ZNF518A: variants seen among roughly 807,000 people sequenced by gnomAD.
ZNF518A encodes the protein zinc finger protein 518A, also known as zinc finger protein 518.
In ZNF518A, 47 loss-of-function variants were observed where a neutral mutation model predicts 102.7. The ratio of observed to expected loss-of-function variants is 0.46; its 90% CI spans 0.36 to 0.58. The LOEUF (loss-of-function observed/expected upper bound fraction) is 0.58. ZNF518A is among the 20% of genes least tolerant of loss of function. The pLI, the probability that ZNF518A is intolerant of heterozygous loss-of-function variation, is 0.00. For missense variants in ZNF518A, 1,793 were observed against 1,699.8 expected (o/e 1.05, Z -0.96); for synonymous variants, 652 against 594.6 (o/e 1.10, Z -1.40).
chr10:96,204,749 G>A, downstream of ZNF518A: 1 of 771,484 alleles, frequency 1.3e-6, no homozygotes, highest in South Asian at 1.5e-5. Flanking sequence ...TTACTGAGAT[G>A]TCATGGATCT....
chr10:96,196,986 C>T lies in ZNF518A; in HGVS notation n.36-6588C>T, dbSNP rs782786523. ...ATCGCACAGGAATATTATATACTCG[C>T]TTATTAAAGAATACAACTAGTGTAT... On this transcript the variant is annotated intron_variant and non_coding_transcript_variant, in intron 1 of 2. Transcript: ENST00000442635. The T allele has an allele frequency of 3.1e-6, 5 of 1,613,080 alleles. No homozygotes were observed. The East Asian group carries it at 8.9e-5, about 29-fold the overall frequency.
intron 1 of ZNF518A, among the ~76,000 whole-genome samples, chr10:96,169,186 G>A (rs150783854): frequency 1.3e-5 from 2 of 151,766 alleles, no homozygotes; most frequent in African/African-American, 4.9e-5. Flanking sequence ...AAAAATTTTT[G>A]TAGAGTTAGA....
chr10:96,151,200 G>A (rs2133637064), intron 3 of ZNF518A, among the ~76,000 whole-genome samples: 1 of 152,238 alleles, frequency 6.6e-6, no homozygotes, highest in South Asian at 2.1e-4. Context: ...ATTGTTGGGT[G>A]GGATGAATTC....
Position 96,142,305 on chromosome 10 carries a change from G to GGTGTGTGTGTGT in ZNF518A, c.-302+8696_-302+8707dup, listed in dbSNP as rs60624825. On this transcript the variant is annotated intron_variant, in intron 3 of 5. Transcript: ENST00000316045. ...TCTGCTTTGAAAGTAATATTCTTAG[G>GGTGTGTGTGTGT]GTGTGTGTGTGTGTGTGTGTGTGTG... 2.9e-3 allele frequency among the ~76,000 whole-genome samples: 301 copies of GGTGTGTGTGTGT among 104,122 alleles called. 4 individuals are homozygous for GGTGTGTGTGTGT. The highest frequency in any genetic ancestry group is 5.5e-3 in the Admixed American group (56 of 10,098). 68.3% of individuals were successfully genotyped at this position (104,122 alleles called of 152,430 possible).
Position 96,157,763 on chromosome 10 carries a change from A to G in ZNF518A, c.1441A>G (p.Thr481Ala). Residue 481 changes from threonine to alanine, a missense_variant, in exon 6 of 6, where the codon ACT (threonine) becomes GCT (alanine). Around this residue, in one of 3 missense-constraint regions of ZNF518A, gnomAD observed 1,741 missense variants for 1,622.6 expected, o/e 1.07. Coordinates refer to ENST00000316045, the MANE Select transcript of ZNF518A (RefSeq NM_001330736.2). The part of the protein sequence containing the change: ...GSQSGAAKDG[T>A]ANLQPQTLDT... ...ACAGTCAGGTGCTGCAAAGGACGGT[A>G]CTGCTAATTTGCAGCCCCAGACTTT... 1 of 1,613,910 alleles carries G rather than the reference A, an allele frequency of 6.2e-7. No homozygotes were observed. The highest frequency in any genetic ancestry group is 1.1e-5 in the South Asian group (1 of 91,080).
intron 3 of ZNF518A, 83 bp downstream of exon 3, chr10:96,133,731 A>G (rs2081454280): frequency 6.6e-6 from 1 of 152,184 alleles, no homozygotes; most frequent in African/African-American, 2.4e-5. Flanking sequence ...AGACTATACC[A>G]CCTTACAGTA....
intron 3 of ZNF518A, among the ~76,000 whole-genome samples, chr10:96,135,508 CTTTA>C (rs1278220136): frequency 6.6e-6 from 1 of 152,176 alleles, no homozygotes; most frequent in Non-Finnish European, 1.5e-5. Context: ...AAAGAGTTCC[CTTTA>C]TTTATTCATC....
intron 3 of ZNF518A, among the ~76,000 whole-genome samples, chr10:96,151,789 C>T (rs1429005567): frequency 6.6e-6 from 1 of 152,132 alleles, no homozygotes; most frequent in Non-Finnish European, 1.5e-5. Context: ...TTTCTAGTTC[C>T]TAGCCATTTT....
At chr10:96,151,733 CA>C (rs1315096467) in intron 3 of ZNF518A, among the ~76,000 whole-genome samples, 2 of 152,114 alleles carry the variant, frequency 1.3e-5, no homozygotes, top group Admixed American at 1.3e-4. Flanking sequence ...CCCCTCTCAC[CA>C]GACTGTTTGC....
In ZNF518A at chr10:96,200,671, A is replaced by G. The variant is rs1286800820; in HGVS notation, n.36-2903A>G. 6.6e-5 allele frequency among the ~76,000 whole-genome samples: 10 copies of G among 152,232 alleles called. No homozygotes were observed. Among genetic ancestry groups the G allele is most frequent in the African/African-American group, 2.4e-4 (10 of 41,460 alleles). On this transcript the variant is annotated intron_variant and non_coding_transcript_variant, in intron 1 of 2. Transcript: ENST00000442635. This position sits in a 1 kb window ranked among gnomAD's most constrained non-coding sequence, Gnocchi z 4.3. The stretch of plus-strand genomic sequence containing the variant: ...ACTGTGCTGTCTTATATGTGATTTA[A>G]TATCATCAGCCTCTACAGATCTATT...
chr10:96,134,167 A>G (rs888000817), intron 3 of ZNF518A, among the ~76,000 whole-genome samples: 5 of 152,220 alleles, frequency 3.3e-5, no homozygotes, highest in South Asian at 2.1e-4. Context: ...AAGTAATGCA[A>G]ATATTCCAAA....
intron 3 of ZNF518A, among the ~76,000 whole-genome samples, chr10:96,140,385 CTGAG>C (rs1554876079): frequency 2.6e-5 from 4 of 152,138 alleles, no homozygotes; most frequent in African/African-American, 9.7e-5. Flanking sequence ...TTTTCTGAAG[CTGAG>C]TAAGAATGGA....
downstream of ZNF518A, chr10:96,204,183 C>T (rs1043246199): frequency 2.2e-6 from 3 of 1,333,874 alleles, no homozygotes; most frequent in Non-Finnish European, 3.2e-6. Flanking sequence ...ACAGGCACAT[C>T]ACAAATAAAT....
At chr10:96,194,872 G>A (rs1044523726) in intron 1 of ZNF518A, among the ~76,000 whole-genome samples, 2 of 147,702 alleles carry the variant, frequency 1.4e-5, no homozygotes, top group Admixed American at 6.9e-5. Flanking sequence ...CCGGGTTCAC[G>A]CCATTCTCCT....
At chr10:96,166,692 G>A (rs1386629427), downstream of ZNF518A, among the ~76,000 whole-genome samples, 2 of 152,110 alleles carry the variant, frequency 1.3e-5, no homozygotes, top group Non-Finnish European at 2.9e-5. Context: ...GTGTGAACCC[G>A]GGAGGCGGAA....
intron 3 of ZNF518A, among the ~76,000 whole-genome samples, chr10:96,148,165 C>T (rs909602588): frequency 2.0e-5 from 3 of 152,122 alleles, no homozygotes; most frequent in Admixed American, 2.0e-4. Flanking sequence ...CTTGGCCGGG[C>T]GCGGTGGCTC....
chr10:96,157,274 T>G lies in ZNF518A; in HGVS notation c.952T>G (p.Tyr318Asp), dbSNP rs2082738878. 6.2e-7 allele frequency: 1 copy of G among 1,612,142 alleles called. No individual in the cohort carries two copies. The highest frequency in any genetic ancestry group is 8.5e-7 in the Non-Finnish European group (1 of 1,179,120). The change falls in exon 6 of 6, where the codon TAT becomes GAT. Residue 318 changes from tyrosine to aspartate, a missense_variant. Tyr to Asp is a radical substitution (Grantham distance 160, BLOSUM62 -3). Around this residue, in one of 3 missense-constraint regions of ZNF518A, gnomAD observed 1,741 missense variants for 1,622.6 expected, o/e 1.07. Coordinates refer to ENST00000316045, the MANE Select transcript of ZNF518A (RefSeq NM_001330736.2). The part of the protein sequence containing the change: ...SAGLKLILKR[Y>D]KIGASRKTFW... Reference sequence around the variant, plus strand: ...AGGACTTAAGCTAATACTGAAAAGATATAAAATAGGTGCATCAAGGAAGAC... The same window carrying G: ...AGGACTTAAGCTAATACTGAAAAGAGATAAAATAGGTGCATCAAGGAAGAC...
chr10:96,137,066 G>A (rs1387829692), intron 3 of ZNF518A, among the ~76,000 whole-genome samples: 3 of 152,196 alleles, frequency 2.0e-5, no homozygotes, highest in Non-Finnish European at 4.4e-5. Flanking sequence ...TGGCCTGCAG[G>A]CCGTCATTTC....
At position 96,135,104 on chromosome 10, in the gene ZNF518A, T is replaced by A. The variant is rs1199227283; in HGVS notation, c.-302+1456T>A. The A allele has an allele frequency of 2.6e-5, 4 of 152,250 alleles. No individual in the cohort carries two copies. In the East Asian group the frequency reaches 7.7e-4, roughly 29 times the overall value. 9.4% of individuals were successfully genotyped at this position (152,250 alleles called of 1,614,324 possible). The stretch of plus-strand genomic sequence containing the variant: ...GCAGAGCCAGTCAGAATCCTTTTTT[T>A]GAAATTTATGGTTGAATGCTAGGAC... On this transcript the variant is annotated intron_variant, in intron 3 of 5. Transcript: ENST00000316045.
Sources: gnomAD v4.1 joint callset for allele counts (sites outside exome capture counted in the v4.1 genomes callset) on GRCh38, gnomAD v4.1.1 for gene constraint, gnomAD v4.1.1 regional missense constraint, Gnocchi (gnomAD v3.1) non-coding constraint, MANE v1.5 for transcripts, NCBI Gene and HGNC (gene_info 2026-07-23, HGNC 2026-07-21) for gene names.